TRRAP: variants seen among roughly 807,000 people sequenced by gnomAD.
The protein encoded by TRRAP is transformation/transcription domain-associated protein.
A neutral mutation model predicts 438.8 loss-of-function variants in TRRAP; 41 were observed. The ratio of observed to expected loss-of-function variants is 0.09; its 90% confidence interval spans 0.07 to 0.12. The LOEUF (loss-of-function observed/expected upper bound fraction) is 0.12. TRRAP is among the 10% of genes least tolerant of loss of function. The probability of loss-of-function intolerance (pLI) is 1.00; values close to 1 mark genes in which losing one functional copy is unlikely to be tolerated. For missense variants in TRRAP, 3,122 were observed against 5,055.1 expected, an observed-to-expected ratio of 0.62 and a Z score of 11.60; for synonymous variants, 1,994 against 1,962.9, an observed-to-expected ratio of 1.02 and a Z score of -0.42.
intron 69 of TRRAP, among the ~76,000 whole-genome samples, chr7:99,007,354 T>G (rs376891585): frequency 2.6e-5 from 4 of 152,220 alleles, no homozygotes; most frequent in Admixed American, 6.5e-5. Flanking sequence ...TTTTTTTTTA[T>G]TTTTAGTTTT....
intron 33 of TRRAP, 150 bp downstream of exon 33, chr7:98,946,100 T>C: frequency 1.3e-6 from 1 of 767,920 alleles, no homozygotes; most frequent in Non-Finnish European, 1.8e-6. Context: ...CAGAGTTGTA[T>C]CAGTATCATT....
chr7:98,930,475 G>A (rs1554412594), intron 24 of TRRAP, among the ~76,000 whole-genome samples, 158 bp from the exon 25 acceptor site: 5 of 152,184 alleles, frequency 3.3e-5, no homozygotes, highest in Admixed American at 1.3e-4. Flanking sequence ...CTACTCGGGA[G>A]GCTAAGGCAG....
At chr7:98,965,628 G>A in intron 48 of TRRAP, 68 bp from the exon 49 acceptor site, 1 of 1,603,058 alleles carries the variant, frequency 6.2e-7, no homozygotes, top group Non-Finnish European at 8.5e-7. Flanking sequence ...GCCAGGCAAG[G>A]CTTAGTGGCT....
chr7:99,010,306 C>CTGCTT (rs1165339406), intron 70 of TRRAP, among the ~76,000 whole-genome samples: 2 of 152,210 alleles, frequency 1.3e-5, no homozygotes, highest in East Asian at 3.8e-4. Flanking sequence ...AGCATTCTCA[C>CTGCTT]TGCTTAAGGA....
rs2299294 is a variant in TRRAP at position 98,883,099 on chromosome 7, A to T, written c.150+1075A>T. Among the ~76,000 whole-genome samples the T allele has an allele frequency of 4.6e-5, 7 of 152,368 alleles. No individual in the cohort carries two copies. The East Asian group carries it at 1.3e-3, about 29-fold the overall frequency. On this transcript the variant is annotated intron_variant, in intron 3 of 72. Coordinates refer to ENST00000456197, the MANE Select transcript of TRRAP (RefSeq NM_001375524.1). ...CCTTGATCAAGCAAGAACTTTCTCT[A>T]TTGTGGACCTCACATCCTACAATTG...
At chr7:98,902,819 G>C (rs782792688) in intron 11 of TRRAP, among the ~76,000 whole-genome samples, 2 of 151,292 alleles carry the variant, frequency 1.3e-5, no homozygotes, top group South Asian at 4.2e-4. Flanking sequence ...TGGCATGGTG[G>C]CTCATGCCTA....
intron 20 of TRRAP, among the ~76,000 whole-genome samples, chr7:98,918,079 CT>C (rs1789598024): frequency 6.6e-6 from 1 of 150,660 alleles, no homozygotes; most frequent in Non-Finnish European, 1.5e-5. Flanking sequence ...CATGATCACA[CT>C]GCTGTACTCC....
chr7:98,929,061 C>T (rs1554412215), intron 23 of TRRAP, among the ~76,000 whole-genome samples: 1 of 152,062 alleles, frequency 6.6e-6, no homozygotes, highest in Non-Finnish European at 1.5e-5. Context: ...CCTCACCCCT[C>T]CTGAGTAGCT....
Position 98,893,787 on chromosome 7 carries a change from C to A in TRRAP, c.367-11C>A. 1 of 1,607,280 alleles carries A rather than the reference C, an allele frequency of 6.2e-7. No individual in the cohort carries two copies. The highest frequency in any genetic ancestry group is 1.1e-5 in the South Asian group (1 of 90,112). ...TCAGAAGTATAACTTTCATTAAATG[C>A]TTTTTTTTAGACGGAAAATGAAGAA... On this transcript the variant is annotated splice_polypyrimidine_tract_variant and intron_variant, in intron 5 of 72. Coordinates refer to ENST00000456197, the MANE Select transcript of TRRAP (RefSeq NM_001375524.1).
chr7:99,005,689 T>C lies in TRRAP; in HGVS notation c.10753+341T>C, dbSNP rs573090300. Reference sequence around the variant, plus strand: ...CATTATGAGATTTCTTTTTCTTTTTTTTTTTCTTTTTTAGCTCATCACCTG... The same window carrying C: ...CATTATGAGATTTCTTTTTCTTTTTCTTTTTCTTTTTTAGCTCATCACCTG... On this transcript the variant is annotated intron_variant, in intron 69 of 72. Transcript: ENST00000456197. This position sits in a 1 kb window ranked among gnomAD's most constrained non-coding sequence, Gnocchi z 5.1. Among the ~76,000 whole-genome samples the C allele has an allele frequency of 6.6e-6, 1 of 151,668 alleles. No homozygotes were observed. The highest frequency in any genetic ancestry group is 2.1e-4 in the South Asian group (1 of 4,826).
In TRRAP at chr7:99,008,281, G is replaced by A. The variant is rs145898774; in HGVS notation, c.10754-96G>A. 1.1e-4 allele frequency: 149 copies of A among 1,308,624 alleles called. No homozygotes were observed. In the African/African-American group the frequency reaches 1.8e-3, roughly 15 times the overall value. The allele number at this position is 1,308,624 out of a possible 1,614,324, so 81.1% of individuals were successfully genotyped here. ...CTAAGCCCCCAAGGCATACAGAGCC[G>A]GGTCAGCTCTGCTCCCAGTGGCACT... On this transcript the variant is annotated intron_variant, in intron 69 of 72. Coordinates refer to ENST00000456197, the MANE Select transcript of TRRAP (RefSeq NM_001375524.1).
intron 30 of TRRAP, among the ~76,000 whole-genome samples, chr7:98,940,076 T>C (rs1369545349): frequency 4.7e-5 from 7 of 150,480 alleles, no homozygotes; most frequent in African/African-American, 1.5e-4. Context: ...AGAGACTGGG[T>C]TTTCACCGTG....
chr7:98,892,050 T>C (rs551758063), intron 4 of TRRAP, among the ~76,000 whole-genome samples: 1 of 152,278 alleles, frequency 6.6e-6, no homozygotes, highest in African/African-American at 2.4e-5. Context: ...TTATGGGAGC[T>C]AATGCGAGAT....
At position 98,991,994 on chromosome 7, in the gene TRRAP, A is replaced by T. The variant is rs566015071; in HGVS notation, c.9757-143A>T. 5.1e-5 allele frequency: 42 copies of T among 817,138 alleles called. 1 individual carries two copies. The East Asian group carries it at 9.6e-4, about 19-fold the overall frequency. 50.6% of individuals were successfully genotyped at this position (817,138 alleles called of 1,614,324 possible). A position where few individuals can be genotyped will look rare whatever the true frequency, so the allele number is the denominator to read the frequency against. ...TGAACCTGGCCTTGTGCGTCAGATCAGTGCTGCAGTATTTGCTTCCTTGGT... is the reference window on the plus strand; with the variant it reads ...TGAACCTGGCCTTGTGCGTCAGATCTGTGCTGCAGTATTTGCTTCCTTGGT... On this transcript the variant is annotated intron_variant, in intron 64 of 72. Transcript: ENST00000456197.
At chr7:98,979,824 G>A (rs1426072951) in intron 58 of TRRAP, among the ~76,000 whole-genome samples, 1 of 152,102 alleles carries the variant, frequency 6.6e-6, no homozygotes, top group Non-Finnish European at 1.5e-5. Flanking sequence ...AACATCCTGG[G>A]TAATCTGCAC....
chr7:98,898,949 A>G (rs1796348739), intron 8 of TRRAP, among the ~76,000 whole-genome samples: 1 of 152,234 alleles, frequency 6.6e-6, no homozygotes, highest in Non-Finnish European at 1.5e-5. Context: ...GCACTTCGGG[A>G]GACCAAGGTG....
chr7:98,953,381 T>A lies in TRRAP; in HGVS notation c.5678T>A (p.Leu1893His). 6.2e-7 allele frequency: 1 copy of A among 1,613,646 alleles called. No homozygotes were observed. Among genetic ancestry groups the A allele is most frequent in the Non-Finnish European group, 8.5e-7 (1 of 1,180,038 alleles). Reference sequence around the variant, plus strand: ...GCCTGCAAGTACAGCGGACACTTGCTCCTGGCGCACATTATCGCCAAATTC... The same window carrying A: ...GCCTGCAAGTACAGCGGACACTTGCACCTGGCGCACATTATCGCCAAATTC... ...DPACKYSGHLLLAHIIAKFAI... is the reference protein window; with the variant it reads ...DPACKYSGHLHLAHIIAKFAI... Residue 1893 changes from leucine (L) to histidine (H), a missense_variant, in exon 40 of 73, where the codon CTC becomes CAC. Physicochemically the swap from Leu to His is moderately conservative, Grantham distance 99. Transcript: ENST00000456197.
Position 99,011,104 on chromosome 7 carries a change from T to C in TRRAP, c.10991T>C (p.Met3664Thr). Residue 3664 changes from methionine (M) to threonine (T), a missense_variant, in exon 71 of 73, where the codon ATG becomes ACG. Physicochemically the swap from Met to Thr is moderately conservative, Grantham distance 81 (BLOSUM62 -1). Coordinates refer to ENST00000456197, the MANE Select transcript of TRRAP (RefSeq NM_001375524.1). This position sits in a 1 kb window ranked among gnomAD's most constrained non-coding sequence, Gnocchi z 7.1. Reference sequence around the variant, plus strand: ...CAGAGTAACATGGTGCCGCGCAGCATGCTCAAGGAGTGGGCGCTGCACACC... The same window carrying C: ...CAGAGTAACATGGTGCCGCGCAGCACGCTCAAGGAGTGGGCGCTGCACACC... ...EVQSNMVPRSMLKEWALHTFP... is the reference protein window; with the variant it reads ...EVQSNMVPRSTLKEWALHTFP... 1.2e-6 allele frequency: 2 copies of C among 1,614,196 alleles called. No homozygotes were observed. Among genetic ancestry groups the C allele is most frequent in the Non-Finnish European group, 1.7e-6 (2 of 1,180,038 alleles).
intron 47 of TRRAP, 48 bp from the exon 48 acceptor site, chr7:98,964,581 C>T (rs776065921): frequency 1.5e-5 from 24 of 1,590,964 alleles, no homozygotes; most frequent in Middle Eastern, 1.7e-4. Context: ...CTCTGTTTTT[C>T]GTGGTTGTTA....
Sources: gnomAD v4.1 joint callset for allele counts (sites outside exome capture counted in the v4.1 genomes callset) on GRCh38, gnomAD v4.1.1 for gene constraint, Gnocchi (gnomAD v3.1) non-coding constraint, MANE v1.5 for transcripts, NCBI Gene and HGNC (gene_info 2026-07-23, HGNC 2026-07-21) for gene names.